DCUN1D1: variants seen among roughly 807,000 people sequenced by gnomAD.
DCUN1D1 encodes DCN1-like protein 1.
Under a neutral mutation model 39.0 loss-of-function variants are expected in DCUN1D1, and 3 were observed. The ratio of observed to expected loss-of-function variants is 0.08; its 90% CI spans 0.04 to 0.20. DCUN1D1 has a LOEUF of 0.20. Among genes scored for constraint, DCUN1D1 ranks in the 10% least tolerant of loss-of-function variants. DCUN1D1 has a pLI of 1.00. For missense variants in DCUN1D1, 158 were observed against 302.4 expected (o/e 0.52, Z 3.54); for synonymous variants, 82 against 96.3 (o/e 0.85, Z 0.87).
At chr3:182,956,407 C>T (rs995208698) in intron 4 of DCUN1D1, 2 of 204,740 alleles carry the variant, frequency 9.8e-6, no homozygotes, top group African/African-American at 4.6e-5. Context: ...ACAACAACAA[C>T]AACAATAAAA....
intron 1 of DCUN1D1, among the ~76,000 whole-genome samples, chr3:182,973,832 A>G (rs956088000): frequency 6.6e-6 from 1 of 151,958 alleles, no homozygotes; most frequent in Non-Finnish European, 1.5e-5. Context: ...ATTCAGAAGT[A>G]TATCTGTAAG....
intron 1 of DCUN1D1, among the ~76,000 whole-genome samples, chr3:182,973,030 G>T (rs78142892): frequency 2.6e-5 from 4 of 151,344 alleles, no homozygotes; most frequent in Admixed American, 2.6e-4. Flanking sequence ...CAAGAAGAGC[G>T]AAACTCCGTC....
chr3:182,980,193 C>G, intron 1 of DCUN1D1: 1 of 468,698 alleles, frequency 2.1e-6, no homozygotes, highest in Non-Finnish European at 2.8e-6. Flanking sequence ...CGCGCCGGGC[C>G]CCGGCAAGGG....
chr3:182,966,258 G>A (rs375395248), intron 1 of DCUN1D1, among the ~76,000 whole-genome samples: 2 of 152,124 alleles, frequency 1.3e-5, no homozygotes, highest in East Asian at 3.9e-4. Flanking sequence ...TGGGAAGAGG[G>A]GGGATCCTCC....
rs554260472 is a variant in DCUN1D1 at position 182,975,358 on chromosome 3, A to G, written c.3+5129T>C. 2.0e-5 allele frequency among the ~76,000 whole-genome samples: 3 copies of G among 151,866 alleles called. No individual in the cohort carries two copies. In the East Asian group the frequency reaches 5.8e-4, roughly 29 times the overall value. On this transcript the variant is annotated intron_variant, in intron 1 of 6. Transcript: ENST00000292782. ...CATCCAGCTAATTTTTTGTATTTTT[A>G]GCAGAGATGGGGTTTCACCGTGTTA...
intron 1 of DCUN1D1, among the ~76,000 whole-genome samples, chr3:182,971,811 A>G (rs1220068866): frequency 6.6e-6 from 1 of 152,164 alleles, no homozygotes; most frequent in Non-Finnish European, 1.5e-5. Flanking sequence ...GCCTGGTTTC[A>G]AGGCATGCAG....
chr3:182,973,580 G>T (rs748649186), intron 1 of DCUN1D1, among the ~76,000 whole-genome samples: 18 of 152,152 alleles, frequency 1.2e-4, no homozygotes, highest in Non-Finnish European at 2.2e-4. Flanking sequence ...AGGCCAAGGC[G>T]GGCGGATCAT....
rs544957444 is a variant in DCUN1D1 at position 182,960,288 on chromosome 3, A to G, written c.520+938T>C. Among the ~76,000 whole-genome samples, 15 of 152,322 alleles carry G rather than the reference A, an allele frequency of 9.8e-5. No homozygotes were observed. The East Asian group carries it at 2.7e-3, about 27-fold the overall frequency. On this transcript the variant is annotated intron_variant, in intron 4 of 6. Transcript: ENST00000292782. ...TTAAACCTTTCTGTCTCCAAAAAAA[A>G]AAATAAAAACAAAATCCTTTCTGAT...
chr3:182,971,712 A>C lies in DCUN1D1; in HGVS notation c.4-5959T>G, dbSNP rs966601719. On this transcript the variant is annotated intron_variant, in intron 1 of 6. Coordinates refer to ENST00000292782, the MANE Select transcript of DCUN1D1 (RefSeq NM_020640.4). ...GCTAGGTACTTATTAATCCTGCAAGATGGTTCCATTTTACCAATGAGGAAC... is the reference window on the plus strand; with the variant it reads ...GCTAGGTACTTATTAATCCTGCAAGCTGGTTCCATTTTACCAATGAGGAAC... Among the ~76,000 whole-genome samples the C allele has an allele frequency of 3.9e-5, 6 of 152,314 alleles. No individual in the cohort carries two copies. In the East Asian group the frequency reaches 1.2e-3, roughly 29 times the overall value.
In DCUN1D1 at chr3:182,947,239, T is replaced by C; in HGVS notation, c.699A>G (p.Glu233=). The C allele has an allele frequency of 6.3e-7, 1 of 1,583,838 alleles. No individual in the cohort carries two copies. Among genetic ancestry groups the C allele is most frequent in the Non-Finnish European group, 8.6e-7 (1 of 1,166,374 alleles). The change falls in exon 6 of 7, where the codon GAA becomes GAG. Residue 233 remains glutamate (E), a splice_region_variant and synonymous_variant. Transcript: ENST00000292782. The part of the protein sequence containing the change: ...IADDMSNYDE[E]GAWPVLIDDF... ...TGGTGTGGCAAAAATTTTCATTACC[T>C]TCTTCATCATAATTAGACATGTCAT...
chr3:182,980,373 G>T, intron 1 of DCUN1D1, 114 bp downstream of exon 1: 1 of 792,880 alleles, frequency 1.3e-6, no homozygotes, highest in Non-Finnish European at 1.5e-6. Context: ...CGGAGGCCGC[G>T]GGCCGAGGCT....
intron 1 of DCUN1D1, among the ~76,000 whole-genome samples, chr3:182,972,691 T>C (rs79317224): frequency 0.025 from 3,736 of 152,062 alleles, 163 homozygotes; most frequent in African/African-American, 0.083. Context: ...CAATGAGCCA[T>C]GATCACATCA....
In DCUN1D1 at chr3:182,942,652, G is replaced by GA. The variant is rs1322566110; in HGVS notation, c.*2441dup. On this transcript the variant is annotated 3_prime_UTR_variant, in exon 7 of 7. Coordinates refer to ENST00000292782, the MANE Select transcript of DCUN1D1 (RefSeq NM_020640.4). ...TGGGGAGTTTACCGGAATGAGGACT[G>GA]AAACACTTAGGAGTTAAAGCAATTC... 2 of 151,908 alleles carry GA rather than the reference G, an allele frequency of 1.3e-5. No individual in the cohort carries two copies. The highest frequency in any genetic ancestry group is 2.9e-5 in the Non-Finnish European group (2 of 67,974). 9.4% of individuals were successfully genotyped at this position (151,908 alleles called of 1,614,324 possible). A position where few individuals can be genotyped will look rare whatever the true frequency, so the allele number is the denominator to read the frequency against.
At chr3:182,950,403 A>C (rs1016408103) in intron 4 of DCUN1D1, among the ~76,000 whole-genome samples, 5 of 151,800 alleles carry the variant, frequency 3.3e-5, no homozygotes, top group African/African-American at 1.2e-4. Flanking sequence ...GCCTCAGCCT[A>C]CCAAAGTGCT....
intron 4 of DCUN1D1, among the ~76,000 whole-genome samples, chr3:182,957,936 T>C (rs1418435762): frequency 6.3e-5 from 1 of 15,822 alleles, no homozygotes; most frequent in African/African-American, 1.4e-4. Flanking sequence ...AGACCCTGCA[T>C]CAAAAAAAAA....
At position 182,955,251 on chromosome 3, in the gene DCUN1D1, TCTC is replaced by T. The variant is rs771856497; in HGVS notation, c.520+5972_520+5974del. The T allele has an allele frequency of 1.2e-3, 637 of 518,154 alleles. 3 individuals carry two copies. Among genetic ancestry groups the T allele is most frequent in the Non-Finnish European group, 2.2e-3 (575 of 258,708 alleles). The allele number at this position is 518,154 out of a possible 1,614,324, so 32.1% of individuals were successfully genotyped here. ...ACAGTAATATTAATTCACTTGAGGG[TCTC>T]CTCCTGTGTTTTCTAAACCAATATC... On this transcript the variant is annotated intron_variant, in intron 4 of 6. Coordinates refer to ENST00000292782, the MANE Select transcript of DCUN1D1 (RefSeq NM_020640.4).
chr3:182,972,584 T>C (rs1312665724), intron 1 of DCUN1D1, among the ~76,000 whole-genome samples: 3 of 151,792 alleles, frequency 2.0e-5, no homozygotes, highest in Non-Finnish European at 2.9e-5. Flanking sequence ...AAGACGAGCC[T>C]GGGCAACACA....
chr3:182,952,905 C>G (rs1726830652), intron 4 of DCUN1D1, among the ~76,000 whole-genome samples: 1 of 152,250 alleles, frequency 6.6e-6, no homozygotes. Flanking sequence ...TCACTCCTTT[C>G]AAAGGACCAC....
rs1226244169 is a variant in DCUN1D1, at chr3:182,942,019, A to C, written c.*3075T>G. Reference sequence around the variant, plus strand: ...TTCATTCATTTAAGTCTGAGGAAAAAATAGTGTACCTTGCTTAAATAAGAA... The same window carrying C: ...TTCATTCATTTAAGTCTGAGGAAAACATAGTGTACCTTGCTTAAATAAGAA... On this transcript the variant is annotated 3_prime_UTR_variant, in exon 7 of 7. Transcript: ENST00000292782. 1 of 152,156 alleles carries C rather than the reference A, an allele frequency of 6.6e-6. No homozygotes were observed. Among genetic ancestry groups the C allele is most frequent in the Non-Finnish European group, 1.5e-5 (1 of 67,986 alleles). The allele number at this position is 152,156 out of a possible 1,614,324, so 9.4% of individuals were successfully genotyped here.
Sources: allele counts gnomAD v4.1 joint callset (sites outside exome capture counted in the v4.1 genomes callset), GRCh38; gene constraint gnomAD v4.1.1; transcripts MANE v1.5; gene names NCBI Gene and HGNC (gene_info 2026-07-23, HGNC 2026-07-21).